The following ATRX variants were observed in gnomAD, a reference collection of about 807,000 sequenced individuals.
The protein encoded by ATRX is chromatin remodeler ATRX.
A neutral mutation model predicts 172.6 loss-of-function variants in ATRX; 12 were observed. The ratio of observed to expected loss-of-function variants is 0.07; its 90% CI spans 0.04 to 0.11. ATRX has a LOEUF of 0.11. ATRX is among the 10% of genes least tolerant of loss of function. ATRX has a pLI of 1.00. For missense variants in ATRX, 1,368 were observed against 1,767.4 expected (o/e 0.77, Z 4.05); for synonymous variants, 674 against 594.7 (o/e 1.13, Z -1.94).
At position 77,683,797 on chromosome X, in the gene ATRX, T is replaced by C. The variant is rs1557141610; in HGVS notation, c.1459A>G (p.Lys487Glu). The change falls in exon 9 of 35, where the codon AAA becomes GAA. Residue 487 changes from lysine to glutamate, a missense_variant. Physicochemically the swap from Lys to Glu is moderately conservative, Grantham distance 56. This residue lies in a region of ATRX where 843 missense variants were observed against 643.1 expected (regional missense o/e 1.31). Transcript: ENST00000373344. Reference sequence around the variant, plus strand: ...TTCTTATGTTCACCACCGGTACTTTTATTTGTTCTTTGTTCCTCTGTTGGA... The same window carrying C: ...TTCTTATGTTCACCACCGGTACTTTCATTTGTTCTTTGTTCCTCTGTTGGA... ...NVPTEEQRTN[K>E]STGGEHKKSD... 1 of 1,209,303 alleles carries C rather than the reference T, an allele frequency of 8.3e-7. No individual in the cohort carries two copies. Among genetic ancestry groups the C allele is most frequent in the African/African-American group, 1.7e-5 (1 of 57,325 alleles).
At chrX:77,754,697 C>T (rs782315914) in intron 1 of ATRX, among the ~76,000 whole-genome samples, 7 of 111,983 alleles carry the variant, frequency 6.3e-5, no homozygotes, top group African/African-American at 2.3e-4. Flanking sequence ...AGGGTTTCTG[C>T]CCAGATATCC....
At chrX:77,695,802 TAGAC>T (rs1425247948) in intron 5 of ATRX, among the ~76,000 whole-genome samples, 2 of 111,619 alleles carry the variant, frequency 1.8e-5, no homozygotes, top group East Asian at 5.6e-4. Context: ...CATAAAAACA[TAGAC>T]AGGGAACAAG....
chrX:77,756,512 C>A (rs1008278735), intron 1 of ATRX, among the ~76,000 whole-genome samples: 1 of 110,689 alleles, frequency 9.0e-6, no homozygotes, highest in Admixed American at 9.7e-5. Context: ...TCCGGGTCTG[C>A]GGACTGCAAA....
chrX:77,621,623 T>C (rs2067586777), intron 19 of ATRX, among the ~76,000 whole-genome samples: 1 of 112,529 alleles, frequency 8.9e-6, no homozygotes, highest in Non-Finnish European at 1.9e-5. Flanking sequence ...TATATATTTT[T>C]TCCAGGGCAT....
intron 10 of ATRX, among the ~76,000 whole-genome samples, chrX:77,668,368 TA>T (rs1301663680): frequency 8.9e-6 from 1 of 111,835 alleles, no homozygotes; most frequent in East Asian, 2.8e-4. Context: ...GCTGGATGTA[TA>T]GTCATGATCC....
chrX:77,699,284 C>T (rs192787040), intron 2 of ATRX, among the ~76,000 whole-genome samples: 7 of 110,943 alleles, frequency 6.3e-5, no homozygotes, highest in African/African-American at 2.3e-4. Flanking sequence ...CAGGCGCGCA[C>T]CACCACACCT....
chrX:77,701,885 G>C (rs2072542157), intron 2 of ATRX, among the ~76,000 whole-genome samples: 1 of 109,616 alleles, frequency 9.1e-6, no homozygotes, highest in Non-Finnish European at 1.9e-5. Flanking sequence ...AGCCAACATG[G>C]CAAAACCCCA....
chrX:77,706,109 CCTAAGTAGCTGGGACTA>C (rs2072804934), intron 2 of ATRX, among the ~76,000 whole-genome samples: 1 of 108,731 alleles, frequency 9.2e-6, no homozygotes, highest in Non-Finnish European at 1.9e-5. Context: ...GCCTCAGCCT[CCTAAGTAGCTGGGACTA>C]CAGGCACACA....
At chrX:77,756,192 T>G (rs924350067) in intron 1 of ATRX, among the ~76,000 whole-genome samples, 43 of 111,141 alleles carry the variant, frequency 3.9e-4, no homozygotes, top group African/African-American at 1.3e-3. Context: ...CAGACGCCCC[T>G]CCCCTCACCA....
In ATRX at chrX:77,763,002, T is replaced by C. The variant is rs1603322701; in HGVS notation, c.20+22980A>G. ...AAAACACTTCAATACAATATGATTA[T>C]GTTTGGAAATTTAGTCTAGAATAAT... On this transcript the variant is annotated intron_variant, in intron 1 of 34. Coordinates refer to ENST00000373344, the MANE Select transcript of ATRX (RefSeq NM_000489.6). Among the ~76,000 whole-genome samples, 4 of 111,471 alleles carry C rather than the reference T, an allele frequency of 3.6e-5. No individual in the cohort carries two copies. In the East Asian group the frequency reaches 8.4e-4, roughly 23 times the overall value.
At chrX:77,697,504 T>A in intron 4 of ATRX, 79 bp downstream of exon 4, 2 of 1,042,778 alleles carry the variant, frequency 1.9e-6, no homozygotes, top group Non-Finnish European at 2.7e-6. Context: ...TGACATGAGT[T>A]CAGAAAAAAA....
In ATRX at chrX:77,557,317, T is replaced by C. The variant is rs2064842598; in HGVS notation, c.6699+134A>G. The C allele has an allele frequency of 1.7e-5, 10 of 599,146 alleles. No homozygotes were observed. In the South Asian group the frequency reaches 2.6e-4, roughly 15 times the overall value. The allele number at this position is 599,146 out of a possible 1,213,427, so 49.4% of individuals were successfully genotyped here. On this transcript the variant is annotated intron_variant, in intron 30 of 34. Transcript: ENST00000373344. ...ATCATTTATAATTTTCTAGACAAAA[T>C]TCATTAAATATCATTTTATTATCCT...
At chrX:77,631,309 A>G (rs1413370210) in intron 19 of ATRX, among the ~76,000 whole-genome samples, 1 of 111,563 alleles carries the variant, frequency 9.0e-6, no homozygotes, top group Admixed American at 9.6e-5. Flanking sequence ...GTAAGAAAAG[A>G]TAATTTTTTC....
chrX:77,633,080 CA>C, intron 19 of ATRX, 126 bp downstream of exon 19: 1 of 719,569 alleles, frequency 1.4e-6, no homozygotes, highest in Non-Finnish European at 2.1e-6. Context: ...TTCTAAAAGG[CA>C]AAAACCTGAA....
At position 77,654,080 on chromosome X, in the gene ATRX, G is replaced by A; in HGVS notation, c.4317+18C>T. 8.6e-7 allele frequency: 1 copy of A among 1,165,883 alleles called. No homozygotes were observed. Among genetic ancestry groups the A allele is most frequent in the Non-Finnish European group, 1.2e-6 (1 of 854,445 alleles). On this transcript the variant is annotated intron_variant, in intron 14 of 34. Transcript: ENST00000373344. ...TGTACTGGTTATAATTCAAGCATGT[G>A]GTAAATGTCATTATTACCTTGTTTT...
intron 1 of ATRX, among the ~76,000 whole-genome samples, chrX:77,743,941 G>A (rs1338918046): frequency 8.9e-6 from 1 of 112,047 alleles, no homozygotes; most frequent in South Asian, 3.7e-4. Context: ...AATCCCCAGC[G>A]CAACTTCAGC....
chrX:77,559,896 G>A (rs2064956465), intron 28 of ATRX, among the ~76,000 whole-genome samples: 1 of 112,023 alleles, frequency 8.9e-6, no homozygotes, highest in Admixed American at 9.5e-5. Flanking sequence ...AACAATCACA[G>A]TATTCAAGTG....
intron 15 of ATRX, among the ~76,000 whole-genome samples, chrX:77,648,884 A>G (rs1362359604): frequency 1.8e-5 from 2 of 111,838 alleles, no homozygotes; most frequent in East Asian, 5.5e-4. Flanking sequence ...AAGAAATGGA[A>G]TATGCCAGGT....
At chrX:77,664,101 CA>C (rs782623295) in intron 11 of ATRX, among the ~76,000 whole-genome samples, 3,818 of 64,021 alleles carry the variant, frequency 0.06, 120 homozygotes, top group African/African-American at 0.15. Context: ...AACTCTGTCT[CA>C]AAAAAAAAAA....
Sources: allele counts gnomAD v4.1 joint callset (sites outside exome capture counted in the v4.1 genomes callset), GRCh38; gene constraint gnomAD v4.1.1; regional missense constraint gnomAD v4.1.1; transcripts MANE v1.5; gene names NCBI Gene and HGNC (gene_info 2026-07-23, HGNC 2026-07-21).